ROBO2: variants seen among roughly 807,000 people sequenced by gnomAD.
The protein encoded by ROBO2 is roundabout guidance receptor 2.
A neutral mutation model predicts 160.8 loss-of-function variants in ROBO2; 53 were observed. The ratio of observed to expected loss-of-function variants is 0.33; its 90% CI spans 0.26 to 0.41. The LOEUF is 0.41. ROBO2 is among the 10% of genes least tolerant of loss of function. The probability of loss-of-function intolerance (pLI) is 1.00; values close to 1 mark genes in which losing one functional copy is unlikely to be tolerated. For missense variants in ROBO2, 1,577 were observed against 1,722.4 expected (o/e 0.92, Z 1.49); for synonymous variants, 664 against 611.7 (o/e 1.09, Z -1.26).
chr3:76,392,381 A>T (rs1373286947), intron 2 of ROBO2, among the ~76,000 whole-genome samples: 1 of 152,188 alleles, frequency 6.6e-6, no homozygotes, highest in East Asian at 1.9e-4. Flanking sequence ...TGAATTGTAC[A>T]GTTCAGATAC....
chr3:77,396,223 C>T (rs1346875841), intron 2 of ROBO2, among the ~76,000 whole-genome samples: 7 of 151,902 alleles, frequency 4.6e-5, no homozygotes, highest in Non-Finnish European at 1.5e-5. Flanking sequence ...TGGTAATATG[C>T]ATATTTCCAA....
At chr3:77,641,236 G>A (rs2095346412) in intron 24 of ROBO2, among the ~76,000 whole-genome samples, 1 of 152,140 alleles carries the variant, frequency 6.6e-6, no homozygotes, top group African/African-American at 2.4e-5. Context: ...CAGAGACCCT[G>A]TTCCCTTCAG....
At chr3:76,079,284 C>T (rs2068740524) in intron 2 of ROBO2, among the ~76,000 whole-genome samples, 1 of 151,942 alleles carries the variant, frequency 6.6e-6, no homozygotes, top group African/African-American at 2.4e-5. Flanking sequence ...TTCAAAATAA[C>T]TAGAAGAGTG....
intron 2 of ROBO2, among the ~76,000 whole-genome samples, chr3:76,646,003 A>G (rs776001067): frequency 6.6e-6 from 1 of 152,204 alleles, no homozygotes; most frequent in South Asian, 2.1e-4. Flanking sequence ...GGCATAAAAA[A>G]GGTGAGTTGG....
chr3:76,142,887 C>T (rs550838528), intron 2 of ROBO2, among the ~76,000 whole-genome samples: 1 of 151,936 alleles, frequency 6.6e-6, no homozygotes, highest in African/African-American at 2.4e-5. Context: ...ACATTGCAGG[C>T]CTGTATCAAA....
At chr3:76,427,132 C>G (rs1013933809) in intron 2 of ROBO2, among the ~76,000 whole-genome samples, 4 of 152,068 alleles carry the variant, frequency 2.6e-5, no homozygotes, top group Non-Finnish European at 5.9e-5. Context: ...AATACAAATG[C>G]CCTTCACAAT....
At chr3:76,414,623 G>C (rs965805634) in intron 2 of ROBO2, among the ~76,000 whole-genome samples, 2 of 119,796 alleles carry the variant, frequency 1.7e-5, no homozygotes, top group South Asian at 3.5e-4. Flanking sequence ...TGGTGGGGAG[G>C]GGGGAGGGGG....
intron 2 of ROBO2, among the ~76,000 whole-genome samples, chr3:77,413,008 GCCA>G (rs1320624435): frequency 6.6e-6 from 1 of 152,136 alleles, no homozygotes; most frequent in African/African-American, 2.4e-5. Context: ...CTTGGGTCCA[GCCA>G]GCCTGGGCAA....
At chr3:76,058,249 C>A (rs939029202) in intron 2 of ROBO2, among the ~76,000 whole-genome samples, 3 of 152,054 alleles carry the variant, frequency 2.0e-5, no homozygotes, top group Non-Finnish European at 4.4e-5. Context: ...ACTGTCCCTC[C>A]CATAACCCCC....
chr3:76,445,134 T>C (rs914902761), intron 2 of ROBO2, among the ~76,000 whole-genome samples: 4 of 152,194 alleles, frequency 2.6e-5, no homozygotes, highest in Non-Finnish European at 5.9e-5. Flanking sequence ...AGATATTTTC[T>C]AAGTAGTTAA....
intron 24 of ROBO2, among the ~76,000 whole-genome samples, chr3:77,638,837 T>TTA (rs1174458560): frequency 6.8e-6 from 1 of 147,552 alleles, no homozygotes; most frequent in South Asian, 2.2e-4. Context: ...TTTTTTTTTT[T>TTA]TTTTTTGAGA....
intron 2 of ROBO2, among the ~76,000 whole-genome samples, chr3:77,263,614 T>G (rs1169973069): frequency 6.6e-6 from 1 of 152,252 alleles, no homozygotes; most frequent in Non-Finnish European, 1.5e-5. Context: ...TAGTATTCCA[T>G]GGTGTATATG....
At chr3:76,138,480 T>C (rs1041537837) in intron 2 of ROBO2, among the ~76,000 whole-genome samples, 27 of 152,054 alleles carry the variant, frequency 1.8e-4, no homozygotes, top group Non-Finnish European at 3.2e-4. Flanking sequence ...TGCGTTGTAC[T>C]ATAAAAGGGA....
At chr3:76,670,463 T>C (rs1575842551) in intron 2 of ROBO2, among the ~76,000 whole-genome samples, 2 of 152,016 alleles carry the variant, frequency 1.3e-5, no homozygotes, top group African/African-American at 4.8e-5. Context: ...CTGCCAGAAA[T>C]GTCACCTGTA....
At chr3:76,803,059 C>G (rs371114595) in intron 2 of ROBO2, among the ~76,000 whole-genome samples, 1 of 152,060 alleles carries the variant, frequency 6.6e-6, no homozygotes, top group East Asian at 1.9e-4. Flanking sequence ...AGAAAAGAGA[C>G]AGAGCATGGA....
chr3:76,906,491 A>T (rs1020429765), intron 2 of ROBO2, among the ~76,000 whole-genome samples: 1 of 151,742 alleles, frequency 6.6e-6, no homozygotes, highest in Non-Finnish European at 1.5e-5. Context: ...ATTCGGTGGT[A>T]TCTGATAATA....
In ROBO2 at chr3:76,752,289, G is replaced by GGGGT. The variant is rs2060711938; in HGVS notation, c.110-345721_110-345718dup. On this transcript the variant is annotated intron_variant, in intron 2 of 26. Transcript: ENST00000487694. ...AACATCACACACCGGGGCCTGTAGT[G>GGGGT]GGGTGGGGGTAGGGGGGAGGGATAG... Among the ~76,000 whole-genome samples, 11 of 152,002 alleles carry GGGGT rather than the reference G, an allele frequency of 7.2e-5. No individual in the cohort carries two copies. The South Asian group carries it at 2.3e-3, about 32-fold the overall frequency.
intron 6 of ROBO2, among the ~76,000 whole-genome samples, chr3:77,545,161 A>T (rs1255120113): frequency 6.6e-6 from 1 of 152,054 alleles, no homozygotes; most frequent in Non-Finnish European, 1.5e-5. Context: ...AAGCTGCCAA[A>T]AATTACTTTT....
chr3:76,434,564 C>T (rs9846932), intron 2 of ROBO2: 910,903 of 1,580,818 alleles, frequency 0.58, 265,560 homozygotes, highest in African/African-American at 0.72. Flanking sequence ...TTTAAGTATA[C>T]GGACAGAGCT....
Sources: gnomAD v4.1 joint callset for allele counts (sites outside exome capture counted in the v4.1 genomes callset) on GRCh38, gnomAD v4.1.1 for gene constraint, MANE v1.5 for transcripts, NCBI Gene and HGNC (gene_info 2026-07-23, HGNC 2026-07-21) for gene names.